MCC: variants seen among roughly 807,000 people sequenced by gnomAD.
The protein encoded by MCC is MCC regulator of Wnt signaling pathway, also known as colorectal mutant cancer protein.
A neutral mutation model predicts 116.2 loss-of-function variants in MCC; 90 were observed. The observed-to-expected ratio is 0.77, with a 90% CI of 0.65 to 0.92. The LOEUF (loss-of-function observed/expected upper bound fraction) is 0.92. MCC is among the 40% of genes least tolerant of loss of function. The pLI is 0.00. For missense variants in MCC, 1,516 were observed against 1,312.2 expected (o/e 1.16, Z -2.40); for synonymous variants, 578 against 510.5 (o/e 1.13, Z -1.78).
At chr5:113,295,904 C>T (rs1380622772) in intron 3 of MCC, among the ~76,000 whole-genome samples, 1 of 152,204 alleles carries the variant, frequency 6.6e-6, no homozygotes, top group African/African-American at 2.4e-5. Context: ...AATAACAGAA[C>T]TTGGCATATC....
intron 1 of MCC, among the ~76,000 whole-genome samples, chr5:113,430,513 C>T (rs1770602704): frequency 1.3e-5 from 2 of 152,134 alleles, no homozygotes. Context: ...GAGAAGATGA[C>T]ATTGGCAGTG....
chr5:113,064,776 T>C (rs1753472018), intron 13 of MCC, among the ~76,000 whole-genome samples: 1 of 152,204 alleles, frequency 6.6e-6, no homozygotes, highest in East Asian at 1.9e-4. Context: ...AGTGGGCTAG[T>C]GCAGAACATC....
intron 3 of MCC, among the ~76,000 whole-genome samples, chr5:113,265,913 G>C (rs920923078): frequency 2.0e-5 from 3 of 151,888 alleles, no homozygotes; most frequent in African/African-American, 7.3e-5. Flanking sequence ...AATGAGAAGG[G>C]AGAGATCTGA....
chr5:113,288,179 G>A (rs941426624), intron 3 of MCC, among the ~76,000 whole-genome samples: 6 of 152,192 alleles, frequency 3.9e-5, no homozygotes, highest in African/African-American at 7.2e-5. Flanking sequence ...CCATGCAGCC[G>A]TGGCCACTAA....
At chr5:113,268,883 T>G (rs553597363) in intron 3 of MCC, among the ~76,000 whole-genome samples, 2 of 152,292 alleles carry the variant, frequency 1.3e-5, no homozygotes, top group South Asian at 4.1e-4. Flanking sequence ...TTTTACTCAA[T>G]GGTATCCTGA....
chr5:113,141,117 C>T (rs1759156171), intron 5 of MCC, among the ~76,000 whole-genome samples: 1 of 152,186 alleles, frequency 6.6e-6, no homozygotes, highest in African/African-American at 2.4e-5. Context: ...GACAAATTCA[C>T]TCTCCCTCTT....
In MCC at chr5:113,138,849, T is replaced by C. The variant is rs756546585; in HGVS notation, c.884+4369A>G. On this transcript the variant is annotated intron_variant, in intron 5 of 18. Transcript: ENST00000408903. ...TCTTTGAAGGGGTAAAAGGAAAGTT[T>C]ACTGTACTCACTTGTGGCATGATTG... Among the ~76,000 whole-genome samples, 23 of 152,328 alleles carry C rather than the reference T, an allele frequency of 1.5e-4. 1 individual carries two copies. Among genetic ancestry groups the C allele is most frequent in the Admixed American group, 2.6e-4 (4 of 15,304 alleles).
At chr5:113,166,729 A>G (rs1222800184) in intron 3 of MCC, among the ~76,000 whole-genome samples, 1 of 151,680 alleles carries the variant, frequency 6.6e-6, no homozygotes, top group African/African-American at 2.4e-5. Context: ...AAAACAACCA[A>G]AAAACCAAAA....
At chr5:113,299,568 T>C (rs1227842938) in intron 3 of MCC, among the ~76,000 whole-genome samples, 3 of 152,214 alleles carry the variant, frequency 2.0e-5, no homozygotes, top group African/African-American at 7.2e-5. Flanking sequence ...ACTCGTCATG[T>C]CTTCTCAACA....
At chr5:113,423,124 A>G (rs1770384284) in intron 1 of MCC, among the ~76,000 whole-genome samples, 1 of 152,212 alleles carries the variant, frequency 6.6e-6, no homozygotes, top group Non-Finnish European at 1.5e-5. Context: ...TTTGTTCTGG[A>G]TCTCATACTG....
intron 1 of MCC, among the ~76,000 whole-genome samples, chr5:113,440,385 C>A (rs1319781520): frequency 1.3e-5 from 2 of 152,092 alleles, no homozygotes; most frequent in African/African-American, 2.4e-5. Context: ...CTCCACCCAC[C>A]CCCAGGCAGA....
At chr5:113,141,968 T>C (rs1759204644) in intron 5 of MCC, among the ~76,000 whole-genome samples, 1 of 152,188 alleles carries the variant, frequency 6.6e-6, no homozygotes, top group Non-Finnish European at 1.5e-5. Context: ...ATCATTCTTT[T>C]GGGCTAAAAA....
chr5:113,197,294 C>T (rs1346570578), intron 3 of MCC, among the ~76,000 whole-genome samples: 1 of 151,814 alleles, frequency 6.6e-6, no homozygotes, highest in Admixed American at 6.6e-5. Flanking sequence ...AATAGGCAAA[C>T]AAAGAGAGAG....
intron 3 of MCC, among the ~76,000 whole-genome samples, chr5:113,253,381 G>T (rs1207146950): frequency 6.6e-6 from 1 of 152,176 alleles, no homozygotes; most frequent in Non-Finnish European, 1.5e-5. Flanking sequence ...TCTCCAAAGG[G>T]AGCAAGTGAT....
chr5:113,201,152 G>A (rs1046768902), intron 3 of MCC, among the ~76,000 whole-genome samples: 3 of 152,046 alleles, frequency 2.0e-5, no homozygotes, highest in Admixed American at 6.6e-5. Flanking sequence ...TTGGGAGGCC[G>A]AGATGGGAGG....
chr5:113,403,422 CAACT>C (rs1173347513), intron 1 of MCC, among the ~76,000 whole-genome samples: 1 of 152,210 alleles, frequency 6.6e-6, no homozygotes, highest in East Asian at 1.9e-4. Context: ...AAAAATCCTT[CAACT>C]AACCACGATC....
intron 1 of MCC, among the ~76,000 whole-genome samples, chr5:113,402,070 G>A (rs564375734): frequency 2.8e-4 from 42 of 151,888 alleles, no homozygotes; most frequent in African/African-American, 9.4e-4. Flanking sequence ...CGAGGCGGGT[G>A]GATCACGAGG....
chr5:113,208,596 G>GA (rs201533867), intron 3 of MCC, among the ~76,000 whole-genome samples: 2,321 of 151,658 alleles, frequency 0.015, 34 homozygotes, highest in Non-Finnish European at 0.021. Context: ...TGAAGAAACT[G>GA]AAAAAAAAGC....
At chr5:113,109,256 A>T (rs1345375893) in intron 6 of MCC, among the ~76,000 whole-genome samples, 1 of 152,254 alleles carries the variant, frequency 6.6e-6, no homozygotes, top group African/African-American at 2.4e-5. Context: ...CAAAAGGTGG[A>T]AGTAGCCCAG....
Sources: gnomAD v4.1 joint callset for allele counts (sites outside exome capture counted in the v4.1 genomes callset) on GRCh38, gnomAD v4.1.1 for gene constraint, MANE v1.5 for transcripts, NCBI Gene and HGNC (gene_info 2026-07-23, HGNC 2026-07-21) for gene names.